Variants in SRBD1 observed in about 807,000 individuals in gnomAD.
The protein encoded by SRBD1 is S1 RNA binding domain 1, also known as S1 RNA-binding domain-containing protein 1.
Under a neutral mutation model 115.3 loss-of-function variants are expected in SRBD1, and 88 were observed. The observed-to-expected ratio is 0.76, with a 90% CI of 0.64 to 0.91. The LOEUF is 0.91. SRBD1 is among the 40% of genes least tolerant of loss of function. SRBD1 has a pLI of 0.00. For missense variants in SRBD1, 1,385 were observed against 1,177.4 expected (o/e 1.18, Z -2.58); for synonymous variants, 509 against 407.7 (o/e 1.25, Z -2.99).
intron 19 of SRBD1, among the ~76,000 whole-genome samples, chr2:45,401,485 C>T (rs956755531): frequency 6.6e-6 from 1 of 152,094 alleles, no homozygotes; most frequent in African/African-American, 2.4e-5. Context: ...GTCTTTCTGC[C>T]CTGCTGCCAA....
chr2:45,446,381 C>T (rs945294347), intron 16 of SRBD1, among the ~76,000 whole-genome samples: 1 of 152,076 alleles, frequency 6.6e-6, no homozygotes, highest in African/African-American at 2.4e-5. Context: ...AGGGAGTCCC[C>T]TAACCATGTA....
At chr2:45,420,848 T>G (rs1667974796) in intron 16 of SRBD1, among the ~76,000 whole-genome samples, 1 of 152,206 alleles carries the variant, frequency 6.6e-6, no homozygotes, top group African/African-American at 2.4e-5. Context: ...ACTATCTTAA[T>G]CTTTTTATTT....
At chr2:45,422,699 ACT>A (rs1249640025) in intron 16 of SRBD1, among the ~76,000 whole-genome samples, 3 of 152,196 alleles carry the variant, frequency 2.0e-5, no homozygotes, top group African/African-American at 4.8e-5. Context: ...TTAAAGAGTA[ACT>A]CTGCAGAGTT....
chr2:45,487,011 A>C (rs1309034889), intron 15 of SRBD1, among the ~76,000 whole-genome samples: 3 of 152,184 alleles, frequency 2.0e-5, no homozygotes. Context: ...GCTAAGAAGC[A>C]GCTTCCCAGG....
chr2:45,564,018 T>C (rs1672749987), intron 9 of SRBD1, among the ~76,000 whole-genome samples: 1 of 152,136 alleles, frequency 6.6e-6, no homozygotes, highest in African/African-American at 2.4e-5. Flanking sequence ...CAATATCTCT[T>C]ATGAATATAG....
chr2:45,477,392 T>G (rs1669835579), intron 15 of SRBD1, among the ~76,000 whole-genome samples: 1 of 152,206 alleles, frequency 6.6e-6, no homozygotes, highest in Admixed American at 6.5e-5. Flanking sequence ...TTCTTCATTC[T>G]TTACGTAAAG....
rs1057287898 is a variant in SRBD1 at position 45,532,047 on chromosome 2, A to T, written c.1874+14685T>A. On this transcript the variant is annotated intron_variant, in intron 14 of 20. Coordinates refer to ENST00000263736, the MANE Select transcript of SRBD1 (RefSeq NM_018079.5). ...ATAAGCACTGTATTAAAGACTCTCCAACCCAAAGAAAAACACAAAAACAAT... is the reference window on the plus strand; with the variant it reads ...ATAAGCACTGTATTAAAGACTCTCCTACCCAAAGAAAAACACAAAAACAAT... 2.7e-5 allele frequency among the ~76,000 whole-genome samples: 4 copies of T among 146,322 alleles called. No individual in the cohort carries two copies. In the South Asian group the frequency reaches 8.7e-4, roughly 32 times the overall value.
intron 14 of SRBD1, among the ~76,000 whole-genome samples, chr2:45,542,738 G>T (rs1309048926): frequency 1.3e-5 from 2 of 152,184 alleles, no homozygotes; most frequent in African/African-American, 2.4e-5. Context: ...TATCCATACA[G>T]ACTTGTAAAT....
intron 8 of SRBD1, among the ~76,000 whole-genome samples, chr2:45,573,577 C>T (rs1392223510): frequency 6.6e-6 from 1 of 151,964 alleles, no homozygotes; most frequent in African/African-American, 2.4e-5. Context: ...CATAAAATGC[C>T]TAAATGAATT....
At chr2:45,604,549 C>T (rs1472817286) in intron 2 of SRBD1, among the ~76,000 whole-genome samples, 1 of 152,174 alleles carries the variant, frequency 6.6e-6, no homozygotes, top group Non-Finnish European at 1.5e-5. Context: ...TGCCTCATGT[C>T]TCTAGACTGG....
rs574738353 is a variant in SRBD1, at chr2:45,579,006, A to G, written c.1072+869T>C. 2.6e-5 allele frequency among the ~76,000 whole-genome samples: 4 copies of G among 152,330 alleles called. No individual in the cohort carries two copies. The East Asian group carries it at 7.7e-4, about 29-fold the overall frequency. The stretch of plus-strand genomic sequence containing the variant: ...CATGTTAACTATATAATTTTTTAAT[A>G]TTAAAAAAATAATTTTTTGAGAGTA... On this transcript the variant is annotated intron_variant, in intron 7 of 20. Transcript: ENST00000263736.
At chr2:45,404,094 A>G (rs376580367) in intron 19 of SRBD1, among the ~76,000 whole-genome samples, 2 of 152,298 alleles carry the variant, frequency 1.3e-5, no homozygotes, top group African/African-American at 4.8e-5. Flanking sequence ...TTAGTGAAGC[A>G]TAAAGGTTGT....
intron 16 of SRBD1, among the ~76,000 whole-genome samples, chr2:45,472,267 T>A (rs540809761): frequency 3.0e-4 from 45 of 152,324 alleles, no homozygotes; most frequent in African/African-American, 1.0e-3. Context: ...TCCATGTATA[T>A]GAAGTATCTA....
At chr2:45,545,841 T>C (rs553741096) in intron 14 of SRBD1, among the ~76,000 whole-genome samples, 1 of 152,352 alleles carries the variant, frequency 6.6e-6, no homozygotes, top group African/African-American at 2.4e-5. Context: ...CTCTTGACTA[T>C]AATAACTGCC....
intron 16 of SRBD1, among the ~76,000 whole-genome samples, chr2:45,469,999 A>T (rs1263833301): frequency 6.6e-6 from 1 of 152,210 alleles, no homozygotes; most frequent in African/African-American, 2.4e-5. Context: ...ATTTCAAAAT[A>T]CTGCTTTTGT....
chr2:45,440,857 T>C (rs1168818483), intron 16 of SRBD1, among the ~76,000 whole-genome samples: 2 of 152,158 alleles, frequency 1.3e-5, no homozygotes, highest in African/African-American at 4.8e-5. Flanking sequence ...GGCATCCTCC[T>C]GGTGTTCAGA....
chr2:45,531,647 A>G (rs950034609), intron 14 of SRBD1, among the ~76,000 whole-genome samples: 8 of 151,630 alleles, frequency 5.3e-5, no homozygotes, highest in African/African-American at 1.9e-4. Flanking sequence ...GCCAAATAAT[A>G]TTTATGAAAC....
intron 14 of SRBD1, among the ~76,000 whole-genome samples, chr2:45,499,582 G>A (rs146782370): frequency 3.9e-5 from 6 of 152,058 alleles, no homozygotes; most frequent in East Asian, 3.9e-4. Context: ...ACCACTGATC[G>A]GCAGCATTTC....
At chr2:45,451,577 T>C (rs1391239972) in intron 16 of SRBD1, among the ~76,000 whole-genome samples, 1 of 151,942 alleles carries the variant, frequency 6.6e-6, no homozygotes, top group Non-Finnish European at 1.5e-5. Flanking sequence ...TCTGCCGGCA[T>C]ACAGTATCTT....
Sources: gnomAD v4.1 joint callset for allele counts (sites outside exome capture counted in the v4.1 genomes callset) on GRCh38, gnomAD v4.1.1 for gene constraint, MANE v1.5 for transcripts, NCBI Gene and HGNC (gene_info 2026-07-23, HGNC 2026-07-21) for gene names.